Variants in CX3CR1 observed in about 807,000 individuals in gnomAD.
CX3CR1 encodes CX3C chemokine receptor 1.
For missense variants in CX3CR1, 363 were observed against 432.4 expected (o/e 0.84, Z 1.42); for synonymous variants, 168 against 178.5 (o/e 0.94, Z 0.47).
At chr3:39,279,255 A>C (rs1177432425) in intron 1 of CX3CR1, among the ~76,000 whole-genome samples, 3 of 151,978 alleles carry the variant, frequency 2.0e-5, no homozygotes, top group Admixed American at 1.3e-4. Flanking sequence ...GGAAAAAAAA[A>C]CCCATGAAAC....
At chr3:39,284,707 T>A (rs375842453), upstream of CX3CR1, among the ~76,000 whole-genome samples, 2 of 152,244 alleles carry the variant, frequency 1.3e-5, no homozygotes, top group African/African-American at 2.4e-5. Flanking sequence ...AGTCAGGTAT[T>A]ATTTTTTCCA....
At chr3:39,284,541 A>C (rs946583568), upstream of CX3CR1, among the ~76,000 whole-genome samples, 7 of 152,206 alleles carry the variant, frequency 4.6e-5, no homozygotes, top group African/African-American at 1.7e-4. Flanking sequence ...GGGTGACATG[A>C]CAAAAGTAGT....
chr3:39,282,956 A>C (rs1365027098), upstream of CX3CR1, among the ~76,000 whole-genome samples: 1 of 152,060 alleles, frequency 6.6e-6, no homozygotes, highest in Non-Finnish European at 1.5e-5. Context: ...CAGCCACATG[A>C]TCATAGCTCA....
upstream of CX3CR1, chr3:39,281,622 C>G (rs779788631): frequency 8.1e-6 from 13 of 1,599,286 alleles, no homozygotes; most frequent in Non-Finnish European, 3.4e-6. Context: ...ACTGGCCATT[C>G]TCCACCCAGA....
chr3:39,285,378 T>TAAAAG (rs898488160), upstream of CX3CR1, among the ~76,000 whole-genome samples: 3 of 152,192 alleles, frequency 2.0e-5, no homozygotes, highest in East Asian at 5.8e-4. Context: ...CTCCAACTCT[T>TAAAAG]AAAAGAAAAG....
At chr3:39,281,480 C>T (rs2040898679), upstream of CX3CR1, 2 of 864,054 alleles carry the variant, frequency 2.3e-6, no homozygotes, top group East Asian at 5.4e-5. Context: ...TGACGACAGT[C>T]TCATCCACCC....
In CX3CR1 at chr3:39,280,033, T is replaced by G; in HGVS notation, c.-89A>C. 1 of 985,490 alleles carries G rather than the reference T, an allele frequency of 1.0e-6. No homozygotes were observed. Among genetic ancestry groups the G allele is most frequent in the Non-Finnish European group, 1.2e-6 (1 of 829,946 alleles). The allele number at this position is 985,490 out of a possible 1,614,324, so 61.0% of individuals were successfully genotyped here. The stretch of plus-strand genomic sequence containing the variant: ...GCTCAGACTTTACCAGAGACGAGTA[T>G]TTCCCTTTCCTTCCCTCTAAGAGCA... On this transcript the variant is annotated 5_prime_UTR_variant, in exon 1 of 2. Transcript: ENST00000399220.
At chr3:39,275,056 T>C (rs1248311093) in intron 1 of CX3CR1, among the ~76,000 whole-genome samples, 1 of 152,142 alleles carries the variant, frequency 6.6e-6, no homozygotes, top group Non-Finnish European at 1.5e-5. Context: ...GAGACAAGGT[T>C]TCACCATGTT....
chr3:39,266,378 A>T lies in CX3CR1; in HGVS notation c.132T>A (p.Ile44=). 2 of 1,614,218 alleles carry T rather than the reference A, an allele frequency of 1.2e-6. No homozygotes were observed. The highest frequency in any genetic ancestry group is 1.7e-6 in the Non-Finnish European group (2 of 1,180,040). The change falls in exon 2 of 2, where the codon ATT becomes ATA. Residue 44 remains isoleucine (I), a synonymous_variant. Coordinates refer to ENST00000399220, the MANE Select transcript of CX3CR1 (RefSeq NM_001337.4). ...LSIFYSVIFA[I]GLVGNLLVVF... ...CTACCAACAAATTTCCCACCAGGCC[A>T]ATGGCAAAGATGACGGAGTAGAATA...
chr3:39,281,476 C>T, upstream of CX3CR1: 2 of 836,886 alleles, frequency 2.4e-6, no homozygotes, highest in South Asian at 3.3e-5. Flanking sequence ...CTCTTGACGA[C>T]AGTCTCATCC....
At chr3:39,280,141 A>T, upstream of CX3CR1, 1 of 971,934 alleles carries the variant, frequency 1.0e-6, no homozygotes, top group Non-Finnish European at 1.2e-6. Flanking sequence ...AAGCTCAGAT[A>T]CTCCAGGGTG....
chr3:39,266,029 C>G lies in CX3CR1; in HGVS notation c.481G>C (p.Ala161Pro). Reference sequence around the variant, plus strand: ...TTTGTGAACATGAACTGGGGTGCTGCCACCAAAATGGCTGCTGCCCAGACG... The same window carrying G: ...TTTGTGAACATGAACTGGGGTGCTGGCACCAAAATGGCTGCTGCCCAGACG... ...LGVWAAAILV[A>P]APQFMFTKQK... Residue 161 changes from alanine to proline, a missense_variant, in exon 2 of 2, where the codon GCA becomes CCA. By Grantham distance (27) the Ala-to-Pro change is conservative. Transcript: ENST00000399220. The G allele has an allele frequency of 6.2e-7, 1 of 1,614,190 alleles. No homozygotes were observed. Among genetic ancestry groups the G allele is most frequent in the Non-Finnish European group, 8.5e-7 (1 of 1,180,032 alleles).
the CX3CR1 span, among the ~76,000 whole-genome samples, chr3:39,288,337 G>C: frequency 6.6e-6 from 1 of 152,160 alleles, no homozygotes; most frequent in Non-Finnish European, 1.5e-5. Context: ...TTCTGCTCAG[G>C]GCTGTTTGTT....
rs191376490 is a variant in CX3CR1 at position 39,269,526 on chromosome 3, G to A, written c.-9-3008C>T. ...TGATTAAGACAGAATGGAAGAAGTG[G>A]GTGAATGTATCTTCTGCAGATGGGA... On this transcript the variant is annotated intron_variant, in intron 1 of 1. Transcript: ENST00000399220. 5.1e-4 allele frequency among the ~76,000 whole-genome samples: 78 copies of A among 152,326 alleles called. 1 individual carries two copies. In the East Asian group the frequency reaches 0.012, roughly 24 times the overall value.
At chr3:39,291,688 G>C in the CX3CR1 span, among the ~76,000 whole-genome samples, 1 of 152,284 alleles carries the variant, frequency 6.6e-6, no homozygotes, top group Non-Finnish European at 1.5e-5. Flanking sequence ...GGTTTACAAA[G>C]CACTCCCACA....
intron 1 of CX3CR1, among the ~76,000 whole-genome samples, chr3:39,277,651 A>G (rs1399090562): frequency 6.6e-6 from 1 of 152,138 alleles, no homozygotes; most frequent in Non-Finnish European, 1.5e-5. Context: ...GTCTCTGGCT[A>G]GGGAGAACCA....
the CX3CR1 span, among the ~76,000 whole-genome samples, chr3:39,289,725 A>G: frequency 6.6e-6 from 1 of 152,164 alleles, no homozygotes; most frequent in African/African-American, 2.4e-5. Flanking sequence ...TGAGGCCTCT[A>G]AGGAGGTCAT....
intron 1 of CX3CR1, among the ~76,000 whole-genome samples, chr3:39,277,379 G>A (rs1367909734): frequency 2.0e-5 from 3 of 152,270 alleles, no homozygotes; most frequent in East Asian, 1.9e-4. Flanking sequence ...CCAACTTCTC[G>A]GAATGCCTGG....
At chr3:39,275,592 G>T (rs2040831267) in intron 1 of CX3CR1, among the ~76,000 whole-genome samples, 1 of 152,224 alleles carries the variant, frequency 6.6e-6, no homozygotes, top group Admixed American at 6.5e-5. Context: ...AAAAGGGGGA[G>T]ATTTCTTTCT....
Sources: allele counts gnomAD v4.1 joint callset (sites outside exome capture counted in the v4.1 genomes callset), GRCh38; gene constraint gnomAD v4.1.1; transcripts MANE v1.5; gene names NCBI Gene and HGNC (gene_info 2026-07-23, HGNC 2026-07-21).